DGKI: variants seen among roughly 807,000 people sequenced by gnomAD.
The protein encoded by DGKI is diacylglycerol kinase iota, also known as DAG kinase iota.
Under a neutral mutation model 147.5 loss-of-function variants are expected in DGKI, and 55 were observed. That is an observed-to-expected ratio of 0.37 (90% CI 0.30 to 0.47). DGKI has a LOEUF of 0.47. DGKI is among the 20% of genes least tolerant of loss of function. DGKI has a pLI of 1.00. For synonymous variants in DGKI, 469 were observed against 477.1 expected, an observed-to-expected ratio of 0.98 and a Z score of 0.22; for missense variants, 1,007 against 1,323.8, an observed-to-expected ratio of 0.76 and a Z score of 3.71.
intron 28 of DGKI, among the ~76,000 whole-genome samples, chr7:137,439,785 C>A (rs1325420362): frequency 6.6e-6 from 1 of 151,888 alleles, no homozygotes; most frequent in African/African-American, 2.4e-5. Flanking sequence ...GTTACTGCTG[C>A]AACAAAAAAG....
intron 19 of DGKI, among the ~76,000 whole-genome samples, chr7:137,565,331 T>A (rs1818548264): frequency 6.6e-6 from 1 of 152,162 alleles, no homozygotes; most frequent in African/African-American, 2.4e-5. Flanking sequence ...TAGAAACACA[T>A]CAAATATAGT....
intron 1 of DGKI, among the ~76,000 whole-genome samples, chr7:137,720,504 C>T (rs558668027): frequency 2.0e-5 from 3 of 152,016 alleles, no homozygotes; most frequent in South Asian, 2.1e-4. Context: ...GTGATCTGCC[C>T]GCCTCGGCCT....
intron 27 of DGKI, among the ~76,000 whole-genome samples, chr7:137,457,513 T>C (rs1477187392): frequency 1.3e-5 from 2 of 152,212 alleles, no homozygotes; most frequent in African/African-American, 4.8e-5. Flanking sequence ...ATGTTGTTTC[T>C]CCCATAATCA....
intron 32 of DGKI, among the ~76,000 whole-genome samples, chr7:137,395,060 G>C (rs1312592004): frequency 7.2e-5 from 11 of 152,218 alleles, no homozygotes; most frequent in Non-Finnish European, 1.2e-4. Flanking sequence ...CAAATGGAAA[G>C]AATTTTTTAA....
intron 21 of DGKI, among the ~76,000 whole-genome samples, chr7:137,512,959 G>A (rs899681403): frequency 4.6e-5 from 7 of 152,012 alleles, no homozygotes; most frequent in East Asian, 1.9e-4. Flanking sequence ...GCCAGAAACC[G>A]GCAAGTCAGG....
chr7:137,655,225 G>T (rs1330249230), intron 4 of DGKI, among the ~76,000 whole-genome samples: 3 of 148,038 alleles, frequency 2.0e-5, no homozygotes, highest in Non-Finnish European at 4.4e-5. Flanking sequence ...TTGAGATGGA[G>T]TCTCATTCTG....
intron 1 of DGKI, among the ~76,000 whole-genome samples, chr7:137,833,801 T>C (rs933891742): frequency 6.6e-6 from 1 of 152,174 alleles, no homozygotes; most frequent in Non-Finnish European, 1.5e-5. Context: ...AAAGGCCTCA[T>C]TGGTTACCAT....
chr7:137,459,383 A>G (rs1814329986), intron 27 of DGKI, among the ~76,000 whole-genome samples: 1 of 150,984 alleles, frequency 6.6e-6, no homozygotes, highest in South Asian at 2.1e-4. Context: ...CCTTGCAGGT[A>G]TATTTCTTTC....
chr7:137,672,690 G>T (rs1228594475), intron 3 of DGKI, among the ~76,000 whole-genome samples: 1 of 151,152 alleles, frequency 6.6e-6, no homozygotes, highest in African/African-American at 2.4e-5. Context: ...GAGGGCCTTG[G>T]CTTGCAGCTG....
intron 27 of DGKI, among the ~76,000 whole-genome samples, chr7:137,460,068 G>C (rs2128924068): frequency 6.6e-6 from 1 of 152,254 alleles, no homozygotes; most frequent in South Asian, 2.1e-4. Context: ...TATATAGTGA[G>C]TTATTTAGCA....
At chr7:137,810,875 T>C (rs933089203) in intron 1 of DGKI, among the ~76,000 whole-genome samples, 3 of 152,114 alleles carry the variant, frequency 2.0e-5, no homozygotes, top group South Asian at 2.1e-4. Context: ...AGCCAGGAAG[T>C]ACACCTACCA....
intron 5 of DGKI, among the ~76,000 whole-genome samples, chr7:137,651,993 T>G (rs1250511329): frequency 5.3e-5 from 8 of 152,120 alleles, no homozygotes. Context: ...CAGAACAGGT[T>G]ACAATGACTA....
intron 1 of DGKI, among the ~76,000 whole-genome samples, chr7:137,752,761 G>A (rs28562854): frequency 0.019 from 2,820 of 152,142 alleles, 89 homozygotes; most frequent in African/African-American, 0.063. Flanking sequence ...AACAGGAATC[G>A]CTCACTTGGG....
intron 1 of DGKI, among the ~76,000 whole-genome samples, chr7:137,739,750 C>A (rs564539291): frequency 4.0e-5 from 6 of 150,034 alleles, no homozygotes; most frequent in African/African-American, 1.5e-4. Flanking sequence ...TTTTATTCCC[C>A]AGACTGCCCA....
At chr7:137,624,036 G>A (rs1157925932) in intron 6 of DGKI, among the ~76,000 whole-genome samples, 3 of 151,654 alleles carry the variant, frequency 2.0e-5, no homozygotes, top group South Asian at 2.1e-4. Flanking sequence ...GAAGTCCAAC[G>A]GTGTAGTAGT....
chr7:137,388,700 T>C lies in DGKI; in HGVS notation c.*2520A>G, dbSNP rs1324775174. 1 of 152,174 alleles carries C rather than the reference T, an allele frequency of 6.6e-6. No homozygotes were observed. Among genetic ancestry groups the C allele is most frequent in the Non-Finnish European group, 1.5e-5 (1 of 68,022 alleles). The allele number at this position is 152,174 out of a possible 1,614,324, so 9.4% of individuals were successfully genotyped here. On this transcript the variant is annotated 3_prime_UTR_variant, in exon 33 of 33. Coordinates refer to ENST00000614521, the MANE Select transcript of DGKI (RefSeq NM_001321708.2). ...GTTGAAGCCATTAAACATGTGGTTA[T>C]TCTGCTCACTTTATTTTGGAAATCC... is the stretch of plus-strand genomic sequence containing the variant.
chr7:137,556,307 C>A (rs1818221807), intron 19 of DGKI, among the ~76,000 whole-genome samples: 2 of 149,098 alleles, frequency 1.3e-5, no homozygotes, highest in African/African-American at 2.5e-5. Context: ...TTTCAAGAAA[C>A]AAAGTTATCC....
intron 1 of DGKI, among the ~76,000 whole-genome samples, chr7:137,748,510 T>C (rs1189457542): frequency 2.0e-5 from 3 of 152,128 alleles, no homozygotes; most frequent in African/African-American, 7.2e-5. Context: ...ATCCTACAAC[T>C]ATTTATTGAG....
intron 1 of DGKI, among the ~76,000 whole-genome samples, chr7:137,716,568 C>T (rs1021127692): frequency 2.2e-4 from 34 of 152,192 alleles, no homozygotes; most frequent in African/African-American, 7.0e-4. Context: ...ATTCTCTCAA[C>T]GATCTTTAAA....
Sources: allele counts gnomAD v4.1 joint callset (sites outside exome capture counted in the v4.1 genomes callset), GRCh38; gene constraint gnomAD v4.1.1; transcripts MANE v1.5; gene names NCBI Gene and HGNC (gene_info 2026-07-23, HGNC 2026-07-21).